The following RALYL variants were observed in gnomAD, a reference collection of about 807,000 sequenced individuals.
The protein encoded by RALYL is RNA-binding Raly-like protein.
RALYL carries 29 observed loss-of-function variants against 35.1 expected under a neutral mutation model. The observed-to-expected ratio is 0.83, with a 90% CI of 0.61 to 1.13. The LOEUF (loss-of-function observed/expected upper bound fraction) is 1.13. RALYL is among the 50% of genes most tolerant of loss of function. The pLI, the probability that RALYL is intolerant of heterozygous loss-of-function variation, is 0.00. For missense variants in RALYL, 359 were observed against 360.4 expected (o/e 1.00, Z 0.03); for synonymous variants, 120 against 127.6 (o/e 0.94, Z 0.40).
At position 84,438,564 on chromosome 8, in the gene RALYL, A is replaced by T. The variant is rs539852732; in HGVS notation, c.-23-90735A>T. On this transcript the variant is annotated intron_variant, in intron 1 of 8. Transcript: ENST00000521268. Reference sequence around the variant, plus strand: ...CCATCTCAATAAGCTATTTTTTTAAAAATTTTTTGTTGAGCCGAGGTTTTG... The same window carrying T: ...CCATCTCAATAAGCTATTTTTTTAATAATTTTTTGTTGAGCCGAGGTTTTG... 4.0e-3 allele frequency among the ~76,000 whole-genome samples: 584 copies of T among 146,296 alleles called. 4 individuals carry two copies. Among genetic ancestry groups the T allele is most frequent in the African/African-American group, 0.01 (400 of 39,490 alleles).
At chr8:84,273,387 T>C (rs913636088) in intron 1 of RALYL, among the ~76,000 whole-genome samples, 3 of 152,224 alleles carry the variant, frequency 2.0e-5, no homozygotes, top group African/African-American at 7.2e-5. Context: ...TGGCAGCTGG[T>C]TTCCCTCAGA....
At chr8:84,224,941 C>T (rs2131355891) in intron 1 of RALYL, among the ~76,000 whole-genome samples, 1 of 152,286 alleles carries the variant, frequency 6.6e-6, no homozygotes, top group East Asian at 1.9e-4. Flanking sequence ...AGGCATGAGC[C>T]ACTGCACCCG....
intron 2 of RALYL, among the ~76,000 whole-genome samples, chr8:84,695,013 T>A (rs558427726): frequency 6.6e-6 from 1 of 151,926 alleles, no homozygotes; most frequent in South Asian, 2.1e-4. Flanking sequence ...AACTCTGGTA[T>A]GAAAATATGA....
intron 8 of RALYL, among the ~76,000 whole-genome samples, chr8:84,917,283 T>C (rs1047492878): frequency 6.6e-6 from 1 of 151,876 alleles, no homozygotes; most frequent in Non-Finnish European, 1.5e-5. Flanking sequence ...GGGTTTGAGT[T>C]ATAAAACTGA....
chr8:84,605,329 T>C (rs917559589), intron 2 of RALYL, among the ~76,000 whole-genome samples: 1 of 152,118 alleles, frequency 6.6e-6, no homozygotes, highest in South Asian at 2.1e-4. Flanking sequence ...TTTACAAACA[T>C]TAATATGGCT....
chr8:84,781,337 T>A (rs780438633), intron 3 of RALYL, among the ~76,000 whole-genome samples: 3 of 152,244 alleles, frequency 2.0e-5, no homozygotes, highest in African/African-American at 4.8e-5. Context: ...CTTATAGACC[T>A]TTTATTTAAA....
intron 3 of RALYL, among the ~76,000 whole-genome samples, chr8:84,783,552 G>A (rs1818692776): frequency 6.6e-6 from 1 of 152,056 alleles, no homozygotes. Flanking sequence ...TTTATGTTAG[G>A]TAATTGACTT....
intron 2 of RALYL, among the ~76,000 whole-genome samples, chr8:84,690,413 T>C (rs1837789804): frequency 6.6e-6 from 1 of 152,038 alleles, no homozygotes; most frequent in Admixed American, 6.6e-5. Context: ...TCAAAGAGTA[T>C]AAAGTTGCAG....
intron 2 of RALYL, among the ~76,000 whole-genome samples, chr8:84,710,928 A>C (rs1842074446): frequency 6.6e-6 from 1 of 152,176 alleles, no homozygotes; most frequent in African/African-American, 2.4e-5. Context: ...ATGTAATGCT[A>C]AGTGCTATGG....
intron 2 of RALYL, among the ~76,000 whole-genome samples, chr8:84,584,747 A>G (rs1376388159): frequency 6.6e-6 from 1 of 152,222 alleles, no homozygotes; most frequent in Admixed American, 6.5e-5. Flanking sequence ...GACATGCAGA[A>G]ACAACAGAAA....
At position 84,397,606 on chromosome 8, in the gene RALYL, T is replaced by A. The variant is rs561661329; in HGVS notation, c.-23-131693T>A. Among the ~76,000 whole-genome samples, 5 of 152,232 alleles carry A rather than the reference T, an allele frequency of 3.3e-5. No individual in the cohort carries two copies. In the East Asian group the frequency reaches 9.7e-4, roughly 29 times the overall value. ...GTAACCTAGGCCAGAACCACCACAT[T>A]TATTGATTTTTCATAGCTTCCTTTT... On this transcript the variant is annotated intron_variant, in intron 1 of 8. Transcript: ENST00000521268.
chr8:84,711,179 GA>G (rs1276851276), intron 2 of RALYL, among the ~76,000 whole-genome samples: 1 of 152,098 alleles, frequency 6.6e-6, no homozygotes, highest in Non-Finnish European at 1.5e-5. Context: ...TAAGTAGAGT[GA>G]CTAAAGATGA....
chr8:84,626,121 A>G (rs1020120570), intron 2 of RALYL, among the ~76,000 whole-genome samples: 1 of 152,224 alleles, frequency 6.6e-6, no homozygotes, highest in African/African-American at 2.4e-5. Context: ...GTGATATAAT[A>G]AAAATGAGAT....
At chr8:84,512,920 G>C (rs535482959) in intron 1 of RALYL, among the ~76,000 whole-genome samples, 8 of 152,080 alleles carry the variant, frequency 5.3e-5, no homozygotes, top group African/African-American at 1.9e-4. Flanking sequence ...TGCTGTTTTG[G>C]TTATCATAGC....
chr8:84,683,025 G>T (rs1028611076), intron 2 of RALYL, among the ~76,000 whole-genome samples: 2 of 152,116 alleles, frequency 1.3e-5, no homozygotes, highest in Non-Finnish European at 2.9e-5. Context: ...GTTTTCCAGA[G>T]ATTCTGGTAT....
chr8:84,583,589 T>G (rs1811330709), intron 2 of RALYL, among the ~76,000 whole-genome samples: 1 of 152,208 alleles, frequency 6.6e-6, no homozygotes, highest in African/African-American at 2.4e-5. Context: ...TTATTTTGTA[T>G]TAATGAAAAA....
intron 1 of RALYL, among the ~76,000 whole-genome samples, chr8:84,320,118 C>T (rs73306950): frequency 0.047 from 7,198 of 152,010 alleles, 266 homozygotes; most frequent in African/African-American, 0.083. Context: ...AGTAATTTTA[C>T]AGTAAAGCAC....
At chr8:84,679,666 G>T in intron 2 of RALYL, 1 of 499,646 alleles carries the variant, frequency 2.0e-6, no homozygotes, top group South Asian at 1.5e-5. Flanking sequence ...ATGAAGTACA[G>T]AGAAAAATGT....
rs531669779 is a variant in RALYL at position 84,587,436 on chromosome 8, A to G, written c.256+57859A>G. Among the ~76,000 whole-genome samples the G allele has an allele frequency of 2.8e-4, 42 of 152,338 alleles. 1 individual carries two copies. The South Asian group carries it at 8.5e-3, about 31-fold the overall frequency. On this transcript the variant is annotated intron_variant, in intron 2 of 8. Transcript: ENST00000521268. ...ATTGTGTTCCAGTGATATTTGTTCTATAAGATAGCAGTTTATGTAGAAAAA... is the reference window on the plus strand; with the variant it reads ...ATTGTGTTCCAGTGATATTTGTTCTGTAAGATAGCAGTTTATGTAGAAAAA...
Sources: gnomAD v4.1 joint callset for allele counts (sites outside exome capture counted in the v4.1 genomes callset) on GRCh38, gnomAD v4.1.1 for gene constraint, MANE v1.5 for transcripts, NCBI Gene and HGNC (gene_info 2026-07-23, HGNC 2026-07-21) for gene names.